GFRA2: variants seen among roughly 807,000 people sequenced by gnomAD.
GFRA2 encodes GDNF family receptor alpha-2.
In GFRA2, 17 loss-of-function variants were observed where a neutral mutation model predicts 48.3. The observed-to-expected ratio is 0.35, with a 90% CI of 0.24 to 0.53. The LOEUF (loss-of-function observed/expected upper bound fraction) is 0.53. GFRA2 is among the 20% of genes least tolerant of loss of function. The pLI, the probability that GFRA2 is intolerant of heterozygous loss-of-function variation, is 0.93. For synonymous variants in GFRA2, 305 were observed against 257.2 expected (o/e 1.19, Z -1.78); for missense variants, 660 against 637.3 (o/e 1.04, Z -0.38).
intron 3 of GFRA2, among the ~76,000 whole-genome samples, chr8:21,752,280 C>T (rs1805330786): frequency 6.6e-6 from 1 of 152,184 alleles, no homozygotes; most frequent in African/African-American, 2.4e-5. Flanking sequence ...GTCTACACCA[C>T]CTGTCCCTTG....
intron 4 of GFRA2, among the ~76,000 whole-genome samples, chr8:21,737,730 G>A (rs1804542128): frequency 6.6e-6 from 1 of 151,966 alleles, no homozygotes; most frequent in Non-Finnish European, 1.5e-5. Flanking sequence ...CCCGCCGCAG[G>A]ACCCTGTCTC....
At chr8:21,707,219 C>T (rs1252615249) in intron 4 of GFRA2, among the ~76,000 whole-genome samples, 1 of 152,196 alleles carries the variant, frequency 6.6e-6, no homozygotes, top group East Asian at 1.9e-4. Flanking sequence ...GGACCAGAAC[C>T]CAGGTCACCC....
intron 6 of GFRA2, 28 bp downstream of exon 6, chr8:21,704,956 TG>T: frequency 6.6e-7 from 1 of 1,519,122 alleles, no homozygotes; most frequent in Non-Finnish European, 9.0e-7. Context: ...GAGGGGCTGC[TG>T]GGGTTGGGGA....
At chr8:21,776,469 CTT>C (rs142915155) in intron 2 of GFRA2, among the ~76,000 whole-genome samples, 49,857 of 133,238 alleles carry the variant, frequency 0.37, 10,383 homozygotes, top group African/African-American at 0.63. Flanking sequence ...AGACGAGACT[CTT>C]TTTTTTTTTT....
chr8:21,768,620 C>T (rs1227198339), intron 3 of GFRA2, among the ~76,000 whole-genome samples: 3 of 152,250 alleles, frequency 2.0e-5, no homozygotes, highest in Admixed American at 2.0e-4. Flanking sequence ...AGGCAAGGGG[C>T]TTCCCTAGAC....
chr8:21,784,569 C>A (rs1445658095), intron 1 of GFRA2, among the ~76,000 whole-genome samples: 1 of 152,148 alleles, frequency 6.6e-6, no homozygotes, highest in African/African-American at 2.4e-5. Flanking sequence ...CTCCCGAGAG[C>A]CCCCAGAGAA....
At chr8:21,701,463 C>T (rs1214535304) in intron 7 of GFRA2, among the ~76,000 whole-genome samples, 2 of 152,226 alleles carry the variant, frequency 1.3e-5, no homozygotes, top group Non-Finnish European at 1.5e-5. Context: ...TCTTCCATTT[C>T]TCTGAGAAGA....
intron 7 of GFRA2, among the ~76,000 whole-genome samples, chr8:21,701,000 G>C (rs967006130): frequency 2.6e-5 from 4 of 152,242 alleles, no homozygotes; most frequent in Non-Finnish European, 5.9e-5. Context: ...GGGCTGGGAA[G>C]GAGGGGAGGC....
In GFRA2 at chr8:21,775,048, C is replaced by G. The variant is rs1280782834; in HGVS notation, c.363G>C (p.Glu121Asp). The G allele has an allele frequency of 1.3e-5, 20 of 1,570,116 alleles. No individual in the cohort carries two copies. In the African/African-American group the frequency reaches 2.6e-4, roughly 20 times the overall value. The change falls in exon 3 of 9, where the codon GAG becomes GAC. Residue 121 changes from glutamate to aspartate, a missense_variant. Glu to Asp is a conservative substitution (Grantham distance 45, BLOSUM62 2). Transcript: ENST00000524240. ...SIHLGLTEGE[E>D]FYEASPYEPV... The stretch of plus-strand genomic sequence containing the variant: ...GCTCATAGGGGGAGGCTTCGTAGAA[C>G]TCCTCACCTGGAAGACAGAACAGGC...
rs1473182719 is a variant in GFRA2 at position 21,737,945 on chromosome 8, C to T, written c.794+12643G>A. Among the ~76,000 whole-genome samples the T allele has an allele frequency of 2.6e-5, 4 of 152,292 alleles. No individual in the cohort carries two copies. The South Asian group carries it at 6.2e-4, about 24-fold the overall frequency. ...TTTACCATGTGCCTGTGTGCCGGGCCGGATGCTCGCTGCTTTTCATGCATT... is the reference window on the plus strand; with the variant it reads ...TTTACCATGTGCCTGTGTGCCGGGCTGGATGCTCGCTGCTTTTCATGCATT... On this transcript the variant is annotated intron_variant, in intron 4 of 8. Coordinates refer to ENST00000524240, the MANE Select transcript of GFRA2 (RefSeq NM_001495.5).
intron 2 of GFRA2, among the ~76,000 whole-genome samples, chr8:21,799,344 AG>A (rs1194159529): frequency 1.3e-5 from 2 of 151,754 alleles, no homozygotes; most frequent in Non-Finnish European, 2.9e-5. Flanking sequence ...CAGCCTCCTG[AG>A]TAGCTGGGAC....
intron 2 of GFRA2, chr8:21,780,916 G>A (rs1806952562): frequency 6.6e-6 from 1 of 152,102 alleles, no homozygotes; most frequent in Non-Finnish European, 1.5e-5. Flanking sequence ...GAGCCCGGGA[G>A]TTTGAGATAG....
At position 21,728,124 on chromosome 8, in the gene GFRA2, G is replaced by C. The variant is rs151151885; in HGVS notation, c.795-22083C>G. 7.8e-4 allele frequency among the ~76,000 whole-genome samples: 119 copies of C among 152,178 alleles called. No individual in the cohort carries two copies. In the East Asian group the frequency reaches 0.018, roughly 23 times the overall value. On this transcript the variant is annotated intron_variant, in intron 4 of 8. Transcript: ENST00000524240. ...ACCACACAGCACTGATTCCAGGTAC[G>C]GGCCCCAGTGCCATAGGGTGTGCCC... is the stretch of plus-strand genomic sequence containing the variant.
intron 2 of GFRA2, among the ~76,000 whole-genome samples, chr8:21,799,073 G>C (rs1434998430): frequency 6.6e-6 from 1 of 152,170 alleles, no homozygotes; most frequent in East Asian, 1.9e-4. Context: ...CCTTAGCACA[G>C]GGTCTGAGGC....
chr8:21,788,262 C>T lies in GFRA2; in HGVS notation c.-103G>A. The T allele has an allele frequency of 6.8e-7, 1 of 1,475,862 alleles. No homozygotes were observed. The highest frequency in any genetic ancestry group is 9.0e-7 in the Non-Finnish European group (1 of 1,111,906). The allele number at this position is 1,475,862 out of a possible 1,614,324, so 91.4% of individuals were successfully genotyped here. On this transcript the variant is annotated 5_prime_UTR_variant, in exon 1 of 9. Transcript: ENST00000524240. ...ATAGGCAAGCAGTGGTAATCAGCCC[C>T]AAATCCAATGCGGAGATCCCAGCTA...
intron 4 of GFRA2, among the ~76,000 whole-genome samples, chr8:21,744,852 CAA>C (rs1464636966): frequency 6.6e-6 from 1 of 152,104 alleles, no homozygotes. Flanking sequence ...AGACAAAGGC[CAA>C]AGACATAAGC....
chr8:21,694,042 G>GATATAT (rs139986722), intron 8 of GFRA2, among the ~76,000 whole-genome samples: 2 of 118,386 alleles, frequency 1.7e-5, no homozygotes, highest in African/African-American at 6.3e-5. Flanking sequence ...ATATATATGA[G>GATATAT]ATATATATAT....
At chr8:21,704,948 G>C in intron 6 of GFRA2, 37 bp downstream of exon 6, 1 of 1,537,592 alleles carries the variant, frequency 6.5e-7, no homozygotes, top group Non-Finnish European at 8.9e-7. Flanking sequence ...AGGGGTGGGA[G>C]GGGCTGCTGG....
intron 2 of GFRA2, among the ~76,000 whole-genome samples, chr8:21,779,282 G>A (rs1806857141): frequency 6.6e-6 from 1 of 152,244 alleles, no homozygotes; most frequent in Non-Finnish European, 1.5e-5. Flanking sequence ...ACAGCAGCAT[G>A]CAGCTAAACG....
Sources: gnomAD v4.1 joint callset for allele counts (sites outside exome capture counted in the v4.1 genomes callset) on GRCh38, gnomAD v4.1.1 for gene constraint, MANE v1.5 for transcripts, NCBI Gene and HGNC (gene_info 2026-07-23, HGNC 2026-07-21) for gene names.